The following LDB2 variants were observed in gnomAD, a reference collection of about 807,000 sequenced individuals.
The protein encoded by LDB2 is LIM domain-binding protein 2.
A neutral mutation model predicts 44.3 loss-of-function variants in LDB2; 12 were observed. That is an observed-to-expected ratio of 0.27 (90% CI 0.17 to 0.44). The LOEUF (loss-of-function observed/expected upper bound fraction) is 0.44. LDB2 is among the 20% of genes least tolerant of loss of function. The probability of loss-of-function intolerance (pLI) is 1.00; values close to 1 mark genes in which losing one functional copy is unlikely to be tolerated. For missense variants in LDB2, 344 were observed against 473.5 expected, an observed-to-expected ratio of 0.73 and a Z score of 2.54; for synonymous variants, 164 against 174.8, an observed-to-expected ratio of 0.94 and a Z score of 0.49.
intron 1 of LDB2, among the ~76,000 whole-genome samples, chr4:16,819,692 A>G (rs1288907559): frequency 1.3e-5 from 2 of 152,308 alleles, no homozygotes; most frequent in Non-Finnish European, 2.9e-5. Context: ...AGTGTGAGCA[A>G]TATCATACAT....
intron 2 of LDB2, among the ~76,000 whole-genome samples, chr4:16,748,870 G>T (rs1387978025): frequency 6.6e-6 from 1 of 152,128 alleles, no homozygotes; most frequent in African/African-American, 2.4e-5. Context: ...GAGGCAGAGG[G>T]TATCTACATG....
At chr4:16,757,516 A>T (rs553291077) in intron 2 of LDB2, among the ~76,000 whole-genome samples, 12 of 152,202 alleles carry the variant, frequency 7.9e-5, no homozygotes, top group African/African-American at 2.9e-4. Context: ...GTATTAGGAC[A>T]TATTTTAATA....
intron 1 of LDB2, among the ~76,000 whole-genome samples, chr4:16,877,644 A>G (rs949444724): frequency 2.6e-5 from 4 of 152,346 alleles, no homozygotes; most frequent in Non-Finnish European, 4.4e-5. Context: ...AGGTAGCCAT[A>G]CACATACATA....
chr4:16,710,274 T>C (rs1162261819), intron 2 of LDB2, among the ~76,000 whole-genome samples: 1 of 152,180 alleles, frequency 6.6e-6, no homozygotes, highest in African/African-American at 2.4e-5. Context: ...ACATGTTCTC[T>C]CCTGGCCTGT....
chr4:16,809,273 C>T (rs1204442338), intron 1 of LDB2, among the ~76,000 whole-genome samples: 1 of 152,184 alleles, frequency 6.6e-6, no homozygotes. Flanking sequence ...TATCCTAATA[C>T]ATTACTTTTG....
At chr4:16,510,714 G>A (rs1218086011) in intron 6 of LDB2, among the ~76,000 whole-genome samples, 1 of 152,104 alleles carries the variant, frequency 6.6e-6, no homozygotes, top group Admixed American at 6.6e-5. Flanking sequence ...GTCTCAGAGT[G>A]CACTATATAA....
intron 1 of LDB2, among the ~76,000 whole-genome samples, chr4:16,824,768 C>A (rs1782750563): frequency 6.6e-6 from 1 of 152,232 alleles, no homozygotes; most frequent in African/African-American, 2.4e-5. Context: ...TTCACCCATG[C>A]TTTTAAGACT....
At position 16,501,968 on chromosome 4, in the gene LDB2, G is replaced by GTCTT. The variant is rs1314400625; in HGVS notation, c.*671_*674dup. 6.6e-6 allele frequency: 1 copy of GTCTT among 152,480 alleles called. No individual in the cohort carries two copies. The highest frequency in any genetic ancestry group is 1.5e-5 in the Non-Finnish European group (1 of 68,046). The allele number at this position is 152,480 out of a possible 1,614,324, so 9.4% of individuals were successfully genotyped here. On this transcript the variant is annotated 3_prime_UTR_variant, in exon 8 of 8. Coordinates refer to ENST00000304523, the MANE Select transcript of LDB2 (RefSeq NM_001290.5). ...TCTTTACTTAAAAATCTGCCCTGGT[G>GTCTT]TCTTTGATGAAAAAAATGACATTTC...
chr4:16,675,297 T>C (rs1394060649), intron 2 of LDB2, among the ~76,000 whole-genome samples: 1 of 152,188 alleles, frequency 6.6e-6, no homozygotes, highest in Non-Finnish European at 1.5e-5. Context: ...GAGTATGTGT[T>C]TAATTCTATG....
At chr4:16,748,740 T>C (rs1764864711) in intron 2 of LDB2, among the ~76,000 whole-genome samples, 1 of 152,128 alleles carries the variant, frequency 6.6e-6, no homozygotes, top group Non-Finnish European at 1.5e-5. Context: ...ACTGCACACA[T>C]CTCAGCTGAA....
intron 2 of LDB2, among the ~76,000 whole-genome samples, chr4:16,708,324 T>A (rs977843827): frequency 6.6e-6 from 1 of 152,050 alleles, no homozygotes; most frequent in African/African-American, 2.4e-5. Context: ...TTAAAAAAAA[T>A]TAATAAATAA....
intron 5 of LDB2, among the ~76,000 whole-genome samples, chr4:16,573,222 G>A (rs901298660): frequency 6.6e-6 from 1 of 152,140 alleles, no homozygotes; most frequent in African/African-American, 2.4e-5. Context: ...TATATAGAGG[G>A]AACTAATGGT....
chr4:16,767,157 A>G (rs1487455539), intron 1 of LDB2, among the ~76,000 whole-genome samples: 1 of 152,200 alleles, frequency 6.6e-6, no homozygotes, highest in Non-Finnish European at 1.5e-5. Flanking sequence ...GTTAAGCAGT[A>G]TATTTCCAAG....
Position 16,634,082 on chromosome 4 carries a change from C to G in LDB2, c.236-38207G>C, listed in dbSNP as rs147143626. Among the ~76,000 whole-genome samples the G allele has an allele frequency of 7.1e-3, 1,084 of 152,118 alleles. 45 individuals carry two copies. Among genetic ancestry groups the G allele is most frequent in the Admixed American group, 0.063 (964 of 15,284 alleles). On this transcript the variant is annotated intron_variant, in intron 2 of 7. Coordinates refer to ENST00000304523, the MANE Select transcript of LDB2 (RefSeq NM_001290.5). ...CATATGTAGAAAACTGAAACTGGAC[C>G]CCTTTCTTACACCTAATATAAAAAC...
intron 1 of LDB2, among the ~76,000 whole-genome samples, chr4:16,894,331 A>G (rs1398382977): frequency 6.6e-6 from 1 of 152,220 alleles, no homozygotes; most frequent in Non-Finnish European, 1.5e-5. Flanking sequence ...TACAGTGAAC[A>G]ACAGTGATGC....
At chr4:16,794,267 C>A (rs1395876724) in intron 1 of LDB2, among the ~76,000 whole-genome samples, 1 of 152,182 alleles carries the variant, frequency 6.6e-6, no homozygotes, top group East Asian at 1.9e-4. Flanking sequence ...CCTGAAGGTG[C>A]CTTAGTTGAC....
intron 2 of LDB2, among the ~76,000 whole-genome samples, chr4:16,644,641 G>T (rs1434407376): frequency 6.6e-6 from 1 of 152,064 alleles, no homozygotes; most frequent in African/African-American, 2.4e-5. Context: ...TGTTGGCCAG[G>T]CTAGTCTTGA....
chr4:16,575,995 C>G (rs1748139331), intron 5 of LDB2, among the ~76,000 whole-genome samples: 1 of 152,188 alleles, frequency 6.6e-6, no homozygotes, highest in Non-Finnish European at 1.5e-5. Context: ...CTGCTTCGGC[C>G]TCCCAAAGTG....
chr4:16,818,322 C>A (rs1035992577), intron 1 of LDB2, among the ~76,000 whole-genome samples: 1 of 152,138 alleles, frequency 6.6e-6, no homozygotes. Context: ...CTTTCACAGC[C>A]TGCAGCACAT....
Sources: allele counts gnomAD v4.1 joint callset (sites outside exome capture counted in the v4.1 genomes callset), GRCh38; gene constraint gnomAD v4.1.1; transcripts MANE v1.5; gene names NCBI Gene and HGNC (gene_info 2026-07-23, HGNC 2026-07-21).